The following GALNT17 variants were observed in gnomAD, a reference collection of about 807,000 sequenced individuals.
GALNT17 encodes the protein polypeptide N-acetylgalactosaminyltransferase 17, also known as UDP-GalNAc:polypeptide N-acetylgalactosaminyltransferase-like 3.
Under a neutral mutation model 63.7 loss-of-function variants are expected in GALNT17, and 29 were observed. The ratio of observed to expected loss-of-function variants is 0.46; its 90% CI spans 0.34 to 0.62. GALNT17 has a LOEUF of 0.62. Among genes scored for constraint, GALNT17 ranks in the 20% least tolerant of loss-of-function variants. The pLI is 0.01. For synonymous variants in GALNT17, 305 were observed against 318.3 expected (o/e 0.96, Z 0.45); for missense variants, 603 against 799.6 (o/e 0.75, Z 2.97).
intron 5 of GALNT17, among the ~76,000 whole-genome samples, chr7:71,441,487 C>CT (rs1385185511): frequency 2.6e-5 from 4 of 151,828 alleles, no homozygotes; most frequent in African/African-American, 9.7e-5. Flanking sequence ...TTTAATTTTA[C>CT]TTTAAGTTCT....
intron 1 of GALNT17, among the ~76,000 whole-genome samples, chr7:71,268,694 G>A (rs1393974487): frequency 1.3e-5 from 2 of 152,154 alleles, no homozygotes; most frequent in East Asian, 3.9e-4. Flanking sequence ...ATCTTCATAG[G>A]CGAGAGCAGG....
intron 1 of GALNT17, among the ~76,000 whole-genome samples, chr7:71,146,927 C>G (rs958915498): frequency 2.0e-5 from 3 of 152,118 alleles, no homozygotes; most frequent in Non-Finnish European, 4.4e-5. Flanking sequence ...TTCTTCCATC[C>G]TAGCCTCGGA....
chr7:71,654,539 CTA>C (rs1438656899), intron 6 of GALNT17, among the ~76,000 whole-genome samples: 1 of 152,230 alleles, frequency 6.6e-6, no homozygotes, highest in Non-Finnish European at 1.5e-5. Context: ...AGTTTCAAAA[CTA>C]TGTGATTGCT....
intron 1 of GALNT17, among the ~76,000 whole-genome samples, chr7:71,234,368 T>TGA (rs1334488269): frequency 2.0e-5 from 3 of 152,146 alleles, no homozygotes; most frequent in Non-Finnish European, 4.4e-5. Context: ...TTCAAGCTAT[T>TGA]CTTGTGGCTC....
intron 1 of GALNT17, among the ~76,000 whole-genome samples, chr7:71,240,973 C>T (rs1482511385): frequency 6.6e-6 from 1 of 152,102 alleles, no homozygotes; most frequent in African/African-American, 2.4e-5. Context: ...TTTTCTTTAT[C>T]CAGTCCACTG....
At chr7:71,264,476 G>T (rs1328902707) in intron 1 of GALNT17, among the ~76,000 whole-genome samples, 1 of 152,104 alleles carries the variant, frequency 6.6e-6, no homozygotes, top group Non-Finnish European at 1.5e-5. Flanking sequence ...TCCTAGTGCT[G>T]AGTATTTATG....
At chr7:71,637,477 C>A (rs1790544087) in intron 6 of GALNT17, among the ~76,000 whole-genome samples, 1 of 148,178 alleles carries the variant, frequency 6.7e-6, no homozygotes, top group South Asian at 2.1e-4. Context: ...GCGTGAGCCA[C>A]CGCACCTGGC....
intron 5 of GALNT17, among the ~76,000 whole-genome samples, chr7:71,481,213 G>A (rs2116642536): frequency 6.6e-6 from 1 of 152,296 alleles, no homozygotes; most frequent in African/African-American, 2.4e-5. Flanking sequence ...TTGGGAGGCT[G>A]AGGCAGGCAG....
intron 6 of GALNT17, among the ~76,000 whole-genome samples, chr7:71,652,099 A>G (rs1221198585): frequency 1.3e-5 from 2 of 152,142 alleles, no homozygotes; most frequent in Non-Finnish European, 2.9e-5. Context: ...AAGTCCTCCC[A>G]GCCCTACTTC....
intron 1 of GALNT17, among the ~76,000 whole-genome samples, chr7:71,252,888 C>G (rs1018451655): frequency 3.9e-5 from 6 of 152,160 alleles, no homozygotes; most frequent in Non-Finnish European, 8.8e-5. Context: ...TAAAGCAGTT[C>G]TATTGAGTTT....
chr7:71,358,347 A>G (rs1792331132), intron 2 of GALNT17, among the ~76,000 whole-genome samples: 1 of 152,224 alleles, frequency 6.6e-6, no homozygotes, highest in Admixed American at 6.5e-5. Context: ...GTGAGTCGAG[A>G]TTGCGCCATT....
intron 1 of GALNT17, among the ~76,000 whole-genome samples, chr7:71,327,515 T>A (rs1057345153): frequency 6.6e-6 from 1 of 152,068 alleles, no homozygotes; most frequent in Non-Finnish European, 1.5e-5. Context: ...GGAGCTACAA[T>A]TAAAAATGAG....
At chr7:71,311,519 A>G (rs1229439222) in intron 1 of GALNT17, among the ~76,000 whole-genome samples, 2 of 152,206 alleles carry the variant, frequency 1.3e-5, no homozygotes, top group African/African-American at 2.4e-5. Flanking sequence ...AAATTCAGGA[A>G]GAATTTTTTT....
chr7:71,207,603 C>T lies in GALNT17; in HGVS notation c.238+74563C>T, dbSNP rs142934484. On this transcript the variant is annotated intron_variant, in intron 1 of 10. Coordinates refer to ENST00000333538, the MANE Select transcript of GALNT17 (RefSeq NM_022479.3). ...GGGAGGTAGGGTACACGTCATGCCA[C>T]GTGGACTGCCTGAGCAAGGGCTTCT... Among the ~76,000 whole-genome samples the T allele has an allele frequency of 2.0e-3, 308 of 152,212 alleles. 1 individual carries two copies. Among genetic ancestry groups the T allele is most frequent in the African/African-American group, 7.2e-3 (301 of 41,530 alleles).
At chr7:71,311,896 G>C (rs1791420130) in intron 1 of GALNT17, among the ~76,000 whole-genome samples, 1 of 152,148 alleles carries the variant, frequency 6.6e-6, no homozygotes. Flanking sequence ...CCCTCCATCT[G>C]CTTCTGAGGT....
chr7:71,437,839 C>G (rs1786993231), intron 5 of GALNT17, among the ~76,000 whole-genome samples: 1 of 152,138 alleles, frequency 6.6e-6, no homozygotes, highest in African/African-American at 2.4e-5. Context: ...CTTAGTTGCC[C>G]AAGTAGCTGG....
intron 6 of GALNT17, among the ~76,000 whole-genome samples, chr7:71,596,270 C>T (rs369263977): frequency 2.0e-5 from 3 of 152,176 alleles, no homozygotes; most frequent in South Asian, 2.1e-4. Context: ...AAACTCCTGA[C>T]CTCGTGATTC....
intron 8 of GALNT17, among the ~76,000 whole-genome samples, chr7:71,672,006 T>C (rs1452811494): frequency 1.0e-4 from 14 of 135,436 alleles, no homozygotes; most frequent in Non-Finnish European, 2.0e-4. Flanking sequence ...CCAGCCTGGG[T>C]GATAGAGTGA....
rs1791621183 is a variant in GALNT17 at position 71,700,879 on chromosome 7, A to C, written c.1501-9882A>C. On this transcript the variant is annotated intron_variant, in intron 9 of 10. Coordinates refer to ENST00000333538, the MANE Select transcript of GALNT17 (RefSeq NM_022479.3). ...TGACTCCAGTGAGTAAGCTGTGAAC[A>C]CCTCGAAAGCAAGCACTGTGTCATT... Among the ~76,000 whole-genome samples, 3 of 152,176 alleles carry C rather than the reference A, an allele frequency of 2.0e-5. No individual in the cohort carries two copies. In the South Asian group the frequency reaches 6.2e-4, roughly 32 times the overall value.
Sources: gnomAD v4.1 joint callset for allele counts (sites outside exome capture counted in the v4.1 genomes callset) on GRCh38, gnomAD v4.1.1 for gene constraint, MANE v1.5 for transcripts, NCBI Gene and HGNC (gene_info 2026-07-23, HGNC 2026-07-21) for gene names.